POU2AF3: variants seen among roughly 807,000 people sequenced by gnomAD.
POU2AF3 encodes the protein cancer susceptibility candidate 13.
the POU2AF3 span, among the ~76,000 whole-genome samples, chr11:111,305,929 A>T: frequency 2.0e-5 from 3 of 152,212 alleles, no homozygotes; most frequent in African/African-American, 4.8e-5. Flanking sequence ...TAAGTTACTG[A>T]GTAAGAGTGA....
chr11:111,306,365 A>G, the POU2AF3 span: 1 of 1,346,494 alleles, frequency 7.4e-7, no homozygotes, highest in Non-Finnish European at 9.7e-7. Flanking sequence ...TTTTTATGCA[A>G]AAACCTGCCT....
chr11:111,306,300 CT>C, the POU2AF3 span: 7 of 656,054 alleles, frequency 1.1e-5, no homozygotes, highest in Admixed American at 3.7e-5. Context: ...CCCTTTCCCC[CT>C]AGACATAGTA....
chr11:111,306,705 G>T, the POU2AF3 span: 1 of 1,032,908 alleles, frequency 9.7e-7, no homozygotes, highest in Non-Finnish European at 1.4e-6. Context: ...CCATCCCGTG[G>T]GAAATCATAC....
At chr11:111,303,153 C>T in the POU2AF3 span, among the ~76,000 whole-genome samples, 1 of 152,196 alleles carries the variant, frequency 6.6e-6, no homozygotes, top group Non-Finnish European at 1.5e-5. Flanking sequence ...ATTCTTCAAG[C>T]AGTGCCGGAA....
At chr11:111,298,723 G>C in the POU2AF3 span, 36 of 1,089,412 alleles carry the variant, frequency 3.3e-5, no homozygotes, top group Non-Finnish European at 4.0e-5. Context: ...CGGGGATCCG[G>C]AGAGGACGCG....
the POU2AF3 span, among the ~76,000 whole-genome samples, chr11:111,303,138 C>G: frequency 6.6e-6 from 1 of 152,162 alleles, no homozygotes; most frequent in Non-Finnish European, 1.5e-5. Context: ...GTAAAGAATT[C>G]AAATATTCTT....
the POU2AF3 span, among the ~76,000 whole-genome samples, chr11:111,300,808 G>A: frequency 6.6e-6 from 1 of 152,240 alleles, no homozygotes; most frequent in Admixed American, 6.5e-5. Context: ...GACAGCTGGG[G>A]CATGTTGTGG....
At chr11:111,303,589 GA>G in the POU2AF3 span, among the ~76,000 whole-genome samples, 1 of 152,206 alleles carries the variant, frequency 6.6e-6, no homozygotes, top group Non-Finnish European at 1.5e-5. Flanking sequence ...GCTCTACAAT[GA>G]GGCAGATTTT....
At chr11:111,298,829 C>CGGGGGGGG in the POU2AF3 span, 1 of 388,154 alleles carries the variant, frequency 2.6e-6, no homozygotes, top group Non-Finnish European at 4.4e-6. Context: ...ACCCCAGGCC[C>CGGGGGGGG]CCGCCCGCCC....
chr11:111,299,103 C>A, the POU2AF3 span: 1 of 969,398 alleles, frequency 1.0e-6, no homozygotes, highest in Non-Finnish European at 1.2e-6. Context: ...GCCCTGCGGG[C>A]GGGGCACGGG....
the POU2AF3 span, chr11:111,298,668 T>G: frequency 8.3e-7 from 1 of 1,209,278 alleles, no homozygotes; most frequent in Admixed American, 4.2e-5. Flanking sequence ...CGGCTTTTCC[T>G]GCATAGAACA....
chr11:111,306,439 T>G, the POU2AF3 span: 3 of 1,484,516 alleles, frequency 2.0e-6, no homozygotes, highest in Non-Finnish European at 2.7e-6. Flanking sequence ...CCCAATTATT[T>G]GCAACGGGGA....
chr11:111,307,205 C>T, the POU2AF3 span, among the ~76,000 whole-genome samples: 58 of 151,590 alleles, frequency 3.8e-4, no homozygotes, highest in Admixed American at 3.6e-3. Flanking sequence ...TGGTTGTTCT[C>T]GGTGGATCTC....
chr11:111,304,604 G>C, the POU2AF3 span, among the ~76,000 whole-genome samples: 1 of 152,144 alleles, frequency 6.6e-6, no homozygotes, highest in Non-Finnish European at 1.5e-5. Context: ...CAATTTTCCA[G>C]ATTGAATCTT....
At chr11:111,303,927 A>G in the POU2AF3 span, among the ~76,000 whole-genome samples, 1 of 152,152 alleles carries the variant, frequency 6.6e-6, no homozygotes, top group Admixed American at 6.5e-5. Context: ...TACTCAGTAT[A>G]ATTATTAATT....
chr11:111,300,510 C>G, the POU2AF3 span: 2 of 1,208,608 alleles, frequency 1.7e-6, no homozygotes, highest in African/African-American at 3.1e-5. Flanking sequence ...ACCACTGACT[C>G]AGTTGCCTTT....
the POU2AF3 span, chr11:111,298,703 G>T: frequency 8.9e-7 from 1 of 1,121,872 alleles, no homozygotes; most frequent in East Asian, 3.2e-5. Flanking sequence ...CAAGGCATGC[G>T]AGTAAGGGCC....
the POU2AF3 span, among the ~76,000 whole-genome samples, chr11:111,301,940 A>T: frequency 6.6e-6 from 1 of 152,198 alleles, no homozygotes; most frequent in Non-Finnish European, 1.5e-5. Context: ...GCCAGCTGCA[A>T]TTTGGCATAT....
At chr11:111,302,721 A>G in the POU2AF3 span, among the ~76,000 whole-genome samples, 1 of 152,222 alleles carries the variant, frequency 6.6e-6, no homozygotes, top group Non-Finnish European at 1.5e-5. Flanking sequence ...TGCTTCCCTT[A>G]AGACTGCATC....
Sources: allele counts gnomAD v4.1 joint callset (sites outside exome capture counted in the v4.1 genomes callset), GRCh38; gene constraint gnomAD v4.1.1; transcripts MANE v1.5; gene names NCBI Gene and HGNC (gene_info 2026-07-23, HGNC 2026-07-21).